The following ADAMTS3 variants were observed in gnomAD, a reference collection of about 807,000 sequenced individuals.
ADAMTS3 encodes A disintegrin and metalloproteinase with thrombospondin motifs 3.
In ADAMTS3, 73 loss-of-function variants were observed where a neutral mutation model predicts 129.0. The ratio of observed to expected loss-of-function variants is 0.57; its 90% CI spans 0.47 to 0.69. The LOEUF is 0.69. ADAMTS3 is among the 30% of genes least tolerant of loss of function. ADAMTS3 has a pLI of 0.00. For synonymous variants in ADAMTS3, 477 were observed against 510.8 expected, an observed-to-expected ratio of 0.93 and a Z score of 0.89; for missense variants, 1,457 against 1,514.5, an observed-to-expected ratio of 0.96 and a Z score of 0.63.
chr4:72,399,135 A>G (rs1025866824), intron 4 of ADAMTS3, among the ~76,000 whole-genome samples: 4 of 152,134 alleles, frequency 2.6e-5, no homozygotes, highest in African/African-American at 9.7e-5. Flanking sequence ...TGTGGAGAAA[A>G]TGTTTAAGTT....
intron 3 of ADAMTS3, among the ~76,000 whole-genome samples, chr4:72,461,123 T>C (rs1171322735): frequency 6.6e-6 from 1 of 151,232 alleles, no homozygotes; most frequent in Non-Finnish European, 1.5e-5. Context: ...AATACGGGAG[T>C]CTCATTCTAC....
chr4:72,365,654 G>A (rs527681021), intron 4 of ADAMTS3, among the ~76,000 whole-genome samples: 18 of 152,058 alleles, frequency 1.2e-4, no homozygotes, highest in Non-Finnish European at 2.2e-4. Context: ...TAAAGTATCC[G>A]GAACATAGAG....
intron 3 of ADAMTS3, among the ~76,000 whole-genome samples, chr4:72,542,056 G>C (rs897831978): frequency 3.9e-5 from 6 of 152,190 alleles, no homozygotes; most frequent in Middle Eastern, 3.4e-3. Flanking sequence ...GATAATTATT[G>C]CACCTAATTT....
intron 3 of ADAMTS3, among the ~76,000 whole-genome samples, chr4:72,547,862 A>C (rs1721504463): frequency 6.6e-6 from 1 of 152,154 alleles, no homozygotes; most frequent in Non-Finnish European, 1.5e-5. Context: ...CACAAACCTG[A>C]GTCTACGTAG....
intron 3 of ADAMTS3, among the ~76,000 whole-genome samples, chr4:72,436,570 G>A (rs7657184): frequency 1.6e-4 from 25 of 152,048 alleles, no homozygotes; most frequent in African/African-American, 5.1e-4. Flanking sequence ...TGTTTATTGC[G>A]GCACTATTCA....
At chr4:72,295,810 T>G (rs780721290) in intron 18 of ADAMTS3, 24 bp from the exon 19 acceptor site, 10 of 1,606,514 alleles carry the variant, frequency 6.2e-6, no homozygotes, top group Non-Finnish European at 5.1e-6. Context: ...TAAAGTTCTT[T>G]GGATTTAATC....
At chr4:72,400,430 T>G (rs1313915802) in intron 4 of ADAMTS3, among the ~76,000 whole-genome samples, 2 of 29,154 alleles carry the variant, frequency 6.9e-5, no homozygotes, top group African/African-American at 3.1e-4. Flanking sequence ...TACGTGTGCA[T>G]AGATATGCAC....
At chr4:72,436,239 A>C (rs752512638) in intron 3 of ADAMTS3, among the ~76,000 whole-genome samples, 2 of 152,122 alleles carry the variant, frequency 1.3e-5, no homozygotes, top group Non-Finnish European at 2.9e-5. Context: ...ATGCAGCCAA[A>C]AGACACATGA....
intron 3 of ADAMTS3, among the ~76,000 whole-genome samples, chr4:72,544,804 GA>G (rs771316988): frequency 6.6e-5 from 10 of 152,092 alleles, no homozygotes; most frequent in Non-Finnish European, 1.2e-4. Flanking sequence ...GCCAACAATA[GA>G]AAGAAAAAGT....
chr4:72,430,955 T>C (rs771247175), intron 3 of ADAMTS3, among the ~76,000 whole-genome samples: 2 of 151,814 alleles, frequency 1.3e-5, no homozygotes, highest in Non-Finnish European at 2.9e-5. Context: ...CAGTAACAGA[T>C]AGTAACCAAG....
chr4:72,295,967 T>C (rs1015733554), intron 18 of ADAMTS3, among the ~76,000 whole-genome samples, 181 bp from the exon 19 acceptor site: 5 of 152,074 alleles, frequency 3.3e-5, no homozygotes, highest in African/African-American at 9.7e-5. Flanking sequence ...ACAAAAACTT[T>C]TACCTTTTCA....
Position 72,318,640 on chromosome 4 carries a change from C to T in ADAMTS3, c.1417G>A (p.Gly473Arg), listed in dbSNP as rs776963677. 3.1e-6 allele frequency: 5 copies of T among 1,613,668 alleles called. No homozygotes were observed. The highest frequency in any genetic ancestry group is 4.2e-6 in the Non-Finnish European group (5 of 1,179,832). ...TGCTCATCCATAGAATAATTGATTC[C>T]AGGAAGTTCTGGGAGTTTAGGCCAA... ...HDWPKLPELP[G>R]INYSMDEQCR... Residue 473 changes from glycine to arginine, a missense_variant, in exon 10 of 22, where the codon GGA becomes AGA. Coordinates refer to ENST00000286657, the MANE Select transcript of ADAMTS3 (RefSeq NM_014243.3).
At chr4:72,482,372 C>A (rs973168067) in intron 3 of ADAMTS3, among the ~76,000 whole-genome samples, 1 of 151,762 alleles carries the variant, frequency 6.6e-6, no homozygotes, top group South Asian at 2.1e-4. Flanking sequence ...CTGAGTGAAT[C>A]TCCAGAAAAT....
intron 21 of ADAMTS3, among the ~76,000 whole-genome samples, chr4:72,284,812 G>T (rs1204537786): frequency 6.6e-6 from 1 of 152,014 alleles, no homozygotes; most frequent in Admixed American, 6.6e-5. Context: ...ACAAGAATTG[G>T]ATTTCAGATA....
intron 4 of ADAMTS3, among the ~76,000 whole-genome samples, chr4:72,398,830 C>T (rs1721795315): frequency 6.6e-6 from 1 of 152,162 alleles, no homozygotes; most frequent in Non-Finnish European, 1.5e-5. Flanking sequence ...CATCCCACTC[C>T]TGAGTCCCAT....
At chr4:72,289,709 T>C (rs182477864) in intron 20 of ADAMTS3, among the ~76,000 whole-genome samples, 3 of 152,224 alleles carry the variant, frequency 2.0e-5, no homozygotes, top group Non-Finnish European at 2.9e-5. Flanking sequence ...GTTAATGCTA[T>C]TATCTTGGGA....
At chr4:72,534,343 A>C (rs932936987) in intron 3 of ADAMTS3, among the ~76,000 whole-genome samples, 1 of 152,068 alleles carries the variant, frequency 6.6e-6, no homozygotes, top group Non-Finnish European at 1.5e-5. Context: ...AAAAAAGAAA[A>C]AAGGAACATC....
chr4:72,515,469 C>A (rs1303300022), intron 3 of ADAMTS3, among the ~76,000 whole-genome samples: 2 of 151,316 alleles, frequency 1.3e-5, no homozygotes, highest in Non-Finnish European at 2.9e-5. Context: ...AAAAGTGTTC[C>A]TATTTCTCCA....
chr4:72,537,689 T>A (rs113580136), intron 3 of ADAMTS3, among the ~76,000 whole-genome samples: 1,782 of 152,236 alleles, frequency 0.012, 44 homozygotes, highest in African/African-American at 0.04. Flanking sequence ...GATACAACAC[T>A]ATTAGGTTCA....
Sources: gnomAD v4.1 joint callset for allele counts (sites outside exome capture counted in the v4.1 genomes callset) on GRCh38, gnomAD v4.1.1 for gene constraint, MANE v1.5 for transcripts, NCBI Gene and HGNC (gene_info 2026-07-23, HGNC 2026-07-21) for gene names.